The following FHIT variants were observed in gnomAD, a reference collection of about 807,000 sequenced individuals.
FHIT encodes bis(5'-adenosyl)-triphosphatase.
FHIT carries 19 observed loss-of-function variants against 17.9 expected under a neutral mutation model. That is an observed-to-expected ratio of 1.06 (90% CI 0.74 to 1.56). The LOEUF (loss-of-function observed/expected upper bound fraction) is 1.56, where lower values mean the gene tolerates loss of function less well. Among genes scored for constraint, FHIT ranks in the 40% most tolerant of loss-of-function variants. The pLI is 0.00. For missense variants in FHIT, 248 were observed against 189.2 expected, an observed-to-expected ratio of 1.31 and a Z score of -1.82; for synonymous variants, 81 against 69.7, an observed-to-expected ratio of 1.16 and a Z score of -0.81.
intron 8 of FHIT, among the ~76,000 whole-genome samples, chr3:59,900,589 C>T (rs1704281690): frequency 6.6e-6 from 1 of 152,092 alleles, no homozygotes; most frequent in African/African-American, 2.4e-5. Context: ...CGGGGTGGCT[C>T]CTGTTGTAGG....
chr3:60,126,089 A>G (rs1049120265), intron 5 of FHIT, among the ~76,000 whole-genome samples: 2 of 152,148 alleles, frequency 1.3e-5, no homozygotes, highest in Non-Finnish European at 2.9e-5. Flanking sequence ...AATGAGAGGA[A>G]AAACAAGAAC....
chr3:60,850,748 T>C (rs549675496), intron 3 of FHIT, among the ~76,000 whole-genome samples: 13 of 152,286 alleles, frequency 8.5e-5, no homozygotes, highest in Admixed American at 3.9e-4. Context: ...CCAGCTGCTA[T>C]ACTGAAGGCT....
intron 8 of FHIT, among the ~76,000 whole-genome samples, chr3:59,777,851 G>GCAAT (rs988592605): frequency 6.8e-4 from 104 of 152,132 alleles, no homozygotes; most frequent in African/African-American, 2.5e-3. Flanking sequence ...TATGGCTTTT[G>GCAAT]CAATCACTAT....
In FHIT at chr3:60,112,485, T is replaced by C. The variant is rs976443494; in HGVS notation, c.104-98333A>G. Among the ~76,000 whole-genome samples the C allele has an allele frequency of 3.3e-5, 5 of 152,112 alleles. No individual in the cohort carries two copies. In the East Asian group the frequency reaches 9.7e-4, roughly 29 times the overall value. On this transcript the variant is annotated intron_variant, in intron 5 of 9. Transcript: ENST00000492590. ...TCGTAAAACTCAGAAAGCTGGAGAG[T>C]GGGCAGAAAAACACGACTGCAGGGA...
intron 8 of FHIT, among the ~76,000 whole-genome samples, chr3:59,915,473 G>A (rs918729780): frequency 6.6e-6 from 1 of 152,154 alleles, no homozygotes; most frequent in Non-Finnish European, 1.5e-5. Flanking sequence ...GGCATCCTTT[G>A]CCTTGAAGCT....
intron 1 of FHIT, among the ~76,000 whole-genome samples, chr3:61,249,143 T>C (rs2106958792): frequency 6.6e-6 from 1 of 152,294 alleles, no homozygotes; most frequent in East Asian, 1.9e-4. Flanking sequence ...GAAACCATTA[T>C]CTAAAGAGCT....
chr3:60,932,999 T>C (rs1708039396), intron 3 of FHIT, among the ~76,000 whole-genome samples: 1 of 152,178 alleles, frequency 6.6e-6, no homozygotes. Flanking sequence ...ATAAGTATGC[T>C]CGTGGAGAAT....
chr3:59,966,473 G>A (rs1707931444), intron 7 of FHIT, among the ~76,000 whole-genome samples: 1 of 152,132 alleles, frequency 6.6e-6, no homozygotes, highest in African/African-American at 2.4e-5. Flanking sequence ...TCACCCTTGT[G>A]CAAACATCAT....
chr3:60,724,303 A>T (rs1465948904), intron 4 of FHIT, among the ~76,000 whole-genome samples: 2 of 152,190 alleles, frequency 1.3e-5, no homozygotes, highest in Admixed American at 6.5e-5. Flanking sequence ...TGTAACATGT[A>T]TCAGCACTAC....
chr3:60,068,621 T>C (rs1320686653), intron 5 of FHIT, among the ~76,000 whole-genome samples: 2 of 152,180 alleles, frequency 1.3e-5, no homozygotes, highest in African/African-American at 4.8e-5. Flanking sequence ...AACTACTAAA[T>C]GTCCAAAATC....
chr3:60,806,194 G>A (rs782310653), intron 4 of FHIT, among the ~76,000 whole-genome samples: 1 of 152,178 alleles, frequency 6.6e-6, no homozygotes, highest in Admixed American at 6.5e-5. Context: ...GTGGGATTCA[G>A]TTGGGGGGCT....
At chr3:61,153,847 C>T (rs551626543) in intron 2 of FHIT, among the ~76,000 whole-genome samples, 1 of 152,172 alleles carries the variant, frequency 6.6e-6, no homozygotes, top group Non-Finnish European at 1.5e-5. Context: ...GGGGCCCAGC[C>T]TTAAATTATT....
intron 4 of FHIT, among the ~76,000 whole-genome samples, chr3:60,614,548 G>C (rs908543981): frequency 1.3e-5 from 2 of 152,064 alleles, no homozygotes; most frequent in Non-Finnish European, 1.5e-5. Context: ...AGGTTGCAGT[G>C]AGACGAGATC....
intron 4 of FHIT, among the ~76,000 whole-genome samples, chr3:60,565,820 T>C (rs1173018093): frequency 6.6e-6 from 1 of 152,200 alleles, no homozygotes; most frequent in Non-Finnish European, 1.5e-5. Flanking sequence ...ATGTGTTTGC[T>C]CTTGCTTCTC....
At chr3:60,426,712 C>T (rs770968988) in intron 5 of FHIT, among the ~76,000 whole-genome samples, 6 of 152,040 alleles carry the variant, frequency 3.9e-5, no homozygotes, top group Non-Finnish European at 8.8e-5. Flanking sequence ...TTTCTACTTC[C>T]TAGGCTCTGT....
intron 3 of FHIT, among the ~76,000 whole-genome samples, chr3:61,003,849 G>A (rs2031264923): frequency 6.6e-6 from 1 of 152,198 alleles, no homozygotes; most frequent in South Asian, 2.1e-4. Flanking sequence ...GAGAAATCTG[G>A]CATGTCCATT....
At chr3:60,246,115 T>C (rs1705383414) in intron 5 of FHIT, among the ~76,000 whole-genome samples, 1 of 152,050 alleles carries the variant, frequency 6.6e-6, no homozygotes, top group South Asian at 2.1e-4. Flanking sequence ...AAGTATGGAA[T>C]GAGGCAGACC....
At chr3:61,220,294 T>C (rs1317862963) in intron 1 of FHIT, among the ~76,000 whole-genome samples, 1 of 152,242 alleles carries the variant, frequency 6.6e-6, no homozygotes. Flanking sequence ...ACCAGGCAGT[T>C]GGAAAACACA....
intron 4 of FHIT, among the ~76,000 whole-genome samples, chr3:60,787,231 TAGAAG>T (rs1460310416): frequency 1.3e-5 from 2 of 152,164 alleles, no homozygotes; most frequent in African/African-American, 2.4e-5. Context: ...CAACTTTACC[TAGAAG>T]AGAAGAGCAA....
Sources: allele counts gnomAD v4.1 joint callset (sites outside exome capture counted in the v4.1 genomes callset), GRCh38; gene constraint gnomAD v4.1.1; transcripts MANE v1.5; gene names NCBI Gene and HGNC (gene_info 2026-07-23, HGNC 2026-07-21).